Variants in KAZN observed in about 807,000 individuals in gnomAD.
KAZN encodes the protein kazrin.
Under a neutral mutation model 87.4 loss-of-function variants are expected in KAZN, and 40 were observed. The observed-to-expected ratio is 0.46, with a 90% CI of 0.36 to 0.60. KAZN has a LOEUF of 0.60. KAZN is among the 20% of genes least tolerant of loss of function. KAZN has a pLI of 0.00. For missense variants in KAZN, 898 were observed against 1,073.9 expected, an observed-to-expected ratio of 0.84 and a Z score of 2.29; for synonymous variants, 466 against 458.3, an observed-to-expected ratio of 1.02 and a Z score of -0.22.
intron 1 of KAZN, among the ~76,000 whole-genome samples, chr1:14,845,312 G>T (rs554313295): frequency 1.3e-5 from 2 of 150,046 alleles, no homozygotes; most frequent in South Asian, 2.2e-4. Flanking sequence ...TGGATGATTA[G>T]GTAGGTAGGT....
chr1:14,708,945 G>A (rs1642352683), intron 1 of KAZN, among the ~76,000 whole-genome samples: 1 of 152,208 alleles, frequency 6.6e-6, no homozygotes, highest in Non-Finnish European at 1.5e-5. Flanking sequence ...GACCAGGACT[G>A]TGTTTTATTT....
chr1:13,988,743 A>G (rs1291337728), intron 1 of KAZN, among the ~76,000 whole-genome samples: 1 of 152,210 alleles, frequency 6.6e-6, no homozygotes, highest in Admixed American at 6.5e-5. Flanking sequence ...TTAATAAAGA[A>G]AAACAAAAGT....
At chr1:14,700,406 G>C (rs1641856974) in intron 1 of KAZN, among the ~76,000 whole-genome samples, 1 of 151,938 alleles carries the variant, frequency 6.6e-6, no homozygotes, top group South Asian at 2.1e-4. Flanking sequence ...GGGAGGTGGA[G>C]GTTGCAGTGA....
intron 1 of KAZN, among the ~76,000 whole-genome samples, chr1:14,119,728 A>T (rs1475093253): frequency 1.3e-5 from 2 of 152,158 alleles, no homozygotes; most frequent in Admixed American, 6.5e-5. Flanking sequence ...CAAGGAAAAC[A>T]TTCCTCTTGG....
chr1:13,899,703 G>A (rs2100834450), intron 1 of KAZN, among the ~76,000 whole-genome samples: 1 of 150,794 alleles, frequency 6.6e-6, no homozygotes, highest in African/African-American at 2.4e-5. Flanking sequence ...GAGTGCAGTG[G>A]TGCGATCTCA....
chr1:15,003,009 C>CACACACACAA (rs571586388), intron 2 of KAZN, among the ~76,000 whole-genome samples: 1 of 144,894 alleles, frequency 6.9e-6, no homozygotes, highest in Non-Finnish European at 1.5e-5. Context: ...TAAACGTACA[C>CACACACACAA]ACACACACAC....
chr1:14,338,807 G>A (rs1657470778), intron 2 of KAZN, among the ~76,000 whole-genome samples: 1 of 152,176 alleles, frequency 6.6e-6, no homozygotes, highest in Admixed American at 6.5e-5. Flanking sequence ...CAGTACATAA[G>A]TGAGATGAAA....
At chr1:14,655,925 G>T (rs1219967987) in intron 1 of KAZN, among the ~76,000 whole-genome samples, 1 of 152,162 alleles carries the variant, frequency 6.6e-6, no homozygotes, top group Non-Finnish European at 1.5e-5. Flanking sequence ...CCCAGCAGTG[G>T]TGTGCTGGGC....
chr1:14,157,570 G>A (rs1299816727), intron 1 of KAZN, among the ~76,000 whole-genome samples: 3 of 152,136 alleles, frequency 2.0e-5, no homozygotes, highest in Non-Finnish European at 4.4e-5. Context: ...GGCCTGTAAG[G>A]TTTCCACTGA....
intron 1 of KAZN, among the ~76,000 whole-genome samples, chr1:14,031,090 T>A (rs1227261068): frequency 6.6e-6 from 1 of 152,202 alleles, no homozygotes; most frequent in Non-Finnish European, 1.5e-5. Flanking sequence ...ATATAGGACA[T>A]CCATGCACCA....
At chr1:14,598,640 G>T, upstream of KAZN, 1 of 1,138,534 alleles carries the variant, frequency 8.8e-7, no homozygotes, top group Non-Finnish European at 1.1e-6. This position sits in a 1 kb window ranked among gnomAD's most constrained non-coding sequence, Gnocchi z 4.2. Flanking sequence ...AGCCGGCGGC[G>T]AATGGTAGGC....
intron 1 of KAZN, among the ~76,000 whole-genome samples, chr1:13,972,637 C>T (rs757251199): frequency 2.6e-5 from 4 of 152,240 alleles, no homozygotes; most frequent in South Asian, 2.1e-4. Flanking sequence ...TGGAGATAGG[C>T]GAGGACCAAC....
In KAZN at chr1:14,856,253, C is replaced by T. The variant is rs553435478; in HGVS notation, c.227-104431C>T. 3.3e-5 allele frequency among the ~76,000 whole-genome samples: 5 copies of T among 152,138 alleles called. No individual in the cohort carries two copies. The highest frequency in any genetic ancestry group is 2.1e-4 in the South Asian group (1 of 4,816). On this transcript the variant is annotated intron_variant, in intron 1 of 14. Coordinates refer to ENST00000376030, the MANE Select transcript of KAZN (RefSeq NM_201628.3). The surrounding 1 kb of genome is among the most constrained non-coding windows in gnomAD (Gnocchi z 5.2). ...GGAAGACCAGAAATAACTTTCCCCACGTGCATTATTAAGTGAATGTGAAGA... is the reference window on the plus strand; with the variant it reads ...GGAAGACCAGAAATAACTTTCCCCATGTGCATTATTAAGTGAATGTGAAGA...
chr1:14,734,895 C>T (rs145915319), intron 1 of KAZN, among the ~76,000 whole-genome samples: 61 of 152,320 alleles, frequency 4.0e-4, no homozygotes, highest in African/African-American at 1.2e-3. Flanking sequence ...CTTTTAGTTC[C>T]GCCTCCTTTT....
At chr1:13,951,682 T>A (rs1641350986) in intron 1 of KAZN, among the ~76,000 whole-genome samples, 1 of 151,430 alleles carries the variant, frequency 6.6e-6, no homozygotes, top group Non-Finnish European at 1.5e-5. Flanking sequence ...TCTGCTCTTC[T>A]GGGTTGATTT....
chr1:14,547,909 T>C (rs182418834), intron 2 of KAZN, among the ~76,000 whole-genome samples: 152 of 152,030 alleles, frequency 1.0e-3, no homozygotes, highest in Non-Finnish European at 1.9e-3. Context: ...GGACAATCCA[T>C]GCAACCACTA....
chr1:15,009,235 G>A (rs573401073), intron 2 of KAZN, among the ~76,000 whole-genome samples: 6 of 152,334 alleles, frequency 3.9e-5, no homozygotes, highest in Admixed American at 6.5e-5. Context: ...TAGAGCCTGG[G>A]ATAATGTGCC....
intron 2 of KAZN, among the ~76,000 whole-genome samples, chr1:14,257,125 G>A (rs1315231594): frequency 1.3e-5 from 2 of 152,184 alleles, no homozygotes; most frequent in East Asian, 1.9e-4. Context: ...AGCCCTGGAT[G>A]TAGTGTATGT....
chr1:14,134,880 T>A (rs1645070676), intron 1 of KAZN, among the ~76,000 whole-genome samples: 1 of 151,958 alleles, frequency 6.6e-6, no homozygotes, highest in Non-Finnish European at 1.5e-5. Context: ...GTTCTATCCA[T>A]TCTTTATATC....
Sources: gnomAD v4.1 joint callset for allele counts (sites outside exome capture counted in the v4.1 genomes callset) on GRCh38, gnomAD v4.1.1 for gene constraint, Gnocchi (gnomAD v3.1) non-coding constraint, MANE v1.5 for transcripts, NCBI Gene and HGNC (gene_info 2026-07-23, HGNC 2026-07-21) for gene names.